The following FMN2 variants were observed in gnomAD, a reference collection of about 807,000 sequenced individuals.
FMN2 encodes the protein formin-2.
Under a neutral mutation model 142.3 loss-of-function variants are expected in FMN2, and 51 were observed. The ratio of observed to expected loss-of-function variants is 0.36; its 90% CI spans 0.29 to 0.45. FMN2 has a LOEUF of 0.45. Among genes scored for constraint, FMN2 ranks in the 20% least tolerant of loss-of-function variants. The pLI is 1.00. For synonymous variants in FMN2, 882 were observed against 869.8 expected, an observed-to-expected ratio of 1.01 and a Z score of -0.25; for missense variants, 1,936 against 2,122.8, an observed-to-expected ratio of 0.91 and a Z score of 1.73.
At chr1:240,348,638 G>T (rs1297722828) in intron 13 of FMN2, among the ~76,000 whole-genome samples, 1 of 151,650 alleles carries the variant, frequency 6.6e-6, no homozygotes, top group African/African-American at 2.4e-5. Context: ...ATTCTGAAAA[G>T]AGTCCCCAGT....
At chr1:240,166,185 A>G (rs974113287) in intron 2 of FMN2, among the ~76,000 whole-genome samples, 9 of 150,090 alleles carry the variant, frequency 6.0e-5, no homozygotes, top group African/African-American at 1.9e-4. Context: ...ACGTTACCTC[A>G]TTATATAATT....
At chr1:240,312,076 C>T (rs1017738980) in intron 8 of FMN2, among the ~76,000 whole-genome samples, 2 of 152,200 alleles carry the variant, frequency 1.3e-5, no homozygotes, top group Admixed American at 6.5e-5. Flanking sequence ...TTCATGTTCA[C>T]ATTGTGGAAT....
chr1:240,380,324 G>A (rs770595213), intron 14 of FMN2, among the ~76,000 whole-genome samples: 5 of 152,026 alleles, frequency 3.3e-5, no homozygotes, highest in Middle Eastern at 3.2e-3. Context: ...TCAATACCAA[G>A]AGGAACTCTC....
At chr1:240,177,358 A>ATTT in intron 2 of FMN2, among the ~76,000 whole-genome samples, 1 of 138,752 alleles carries the variant, frequency 7.2e-6, no homozygotes, top group South Asian at 2.3e-4. Context: ...TCCCTATTCA[A>ATTT]TTCTTTTTTT....
At chr1:240,226,578 T>C (rs1166449712) in intron 6 of FMN2, among the ~76,000 whole-genome samples, 1 of 152,176 alleles carries the variant, frequency 6.6e-6, no homozygotes, top group Non-Finnish European at 1.5e-5. Flanking sequence ...TGAGATCACA[T>C]ATACAAAAAC....
chr1:240,367,599 T>C (rs1672717896), intron 14 of FMN2, among the ~76,000 whole-genome samples: 2 of 151,566 alleles, frequency 1.3e-5, no homozygotes, highest in Non-Finnish European at 2.9e-5. Context: ...AAACCCCATC[T>C]CTACTAAAAA....
chr1:240,312,731 A>T (rs76596607), intron 8 of FMN2, among the ~76,000 whole-genome samples: 9,783 of 152,282 alleles, frequency 0.064, 405 homozygotes, highest in South Asian at 0.11. Context: ...TTTGATTATC[A>T]GTGTTTACTT....
At chr1:240,430,142 T>G (rs1675113827) in intron 15 of FMN2, among the ~76,000 whole-genome samples, 1 of 152,090 alleles carries the variant, frequency 6.6e-6, no homozygotes, top group South Asian at 2.1e-4. Flanking sequence ...CGCCTCGGCC[T>G]CCCAAAGTGC....
intron 7 of FMN2, among the ~76,000 whole-genome samples, chr1:240,286,672 A>G (rs1391869875): frequency 1.3e-5 from 2 of 152,092 alleles, no homozygotes; most frequent in Non-Finnish European, 2.9e-5. Flanking sequence ...TCAGGAGAGA[A>G]CAAAATCAAA....
intron 6 of FMN2, among the ~76,000 whole-genome samples, chr1:240,232,483 C>A (rs1667561384): frequency 6.6e-6 from 1 of 152,106 alleles, no homozygotes; most frequent in Non-Finnish European, 1.5e-5. Context: ...CAAATCCAGA[C>A]CATGTCAGCT....
Position 240,092,186 on chromosome 1 carries a change from C to G in FMN2, c.77C>G (p.Ala26Gly), listed in dbSNP as rs1196213691. 1.3e-6 allele frequency: 2 copies of G among 1,578,540 alleles called. No homozygotes were observed. The highest frequency in any genetic ancestry group is 2.3e-5 in the South Asian group (2 of 86,252). ...GAAGGCGGCGGTGGCGCCGAGGATG[C>G]GCTGGGGCCCAGGGATGTGGAAGCC... Reference protein sequence around the residue: ...LHEGGGGAEDALGPRDVEATK... With the variant: ...LHEGGGGAEDGLGPRDVEATK... The change falls in exon 1 of 18, where the codon GCG becomes GGG. Residue 26 changes from alanine to glycine, a missense_variant. By Grantham distance (60) the Ala-to-Gly change is moderately conservative. Around this residue, in one of 8 missense-constraint regions of FMN2, gnomAD observed 751 missense variants for 791.8 expected, o/e 0.95. Coordinates refer to ENST00000319653, the MANE Select transcript of FMN2 (RefSeq NM_020066.5).
chr1:240,294,588 G>T (rs922732201), intron 7 of FMN2, among the ~76,000 whole-genome samples: 5 of 152,156 alleles, frequency 3.3e-5, no homozygotes, highest in Admixed American at 6.5e-5. Context: ...TCTGACCTTT[G>T]CCTGGGCCAT....
At chr1:240,341,536 A>G (rs1348776260) in intron 13 of FMN2, 1 of 152,184 alleles carries the variant, frequency 6.6e-6, no homozygotes, top group Non-Finnish European at 1.5e-5. Context: ...TTTTGTAAAT[A>G]AAATTCAGTT....
At chr1:240,265,512 G>T (rs1668767254) in intron 7 of FMN2, among the ~76,000 whole-genome samples, 1 of 152,112 alleles carries the variant, frequency 6.6e-6, no homozygotes. Flanking sequence ...ATACACAAAT[G>T]CTTATTATTG....
chr1:240,333,186 C>G (rs569852851), intron 11 of FMN2, among the ~76,000 whole-genome samples: 6 of 151,950 alleles, frequency 3.9e-5, no homozygotes, highest in Non-Finnish European at 8.8e-5. Context: ...AAAATTAATG[C>G]GCCTAAATAA....
intron 7 of FMN2, among the ~76,000 whole-genome samples, chr1:240,263,098 A>G (rs1668685591): frequency 6.6e-6 from 1 of 152,124 alleles, no homozygotes; most frequent in African/African-American, 2.4e-5. Flanking sequence ...TTGTCACCCT[A>G]CTACCAGATC....
At chr1:240,447,001 G>A (rs1675840565) in intron 16 of FMN2, among the ~76,000 whole-genome samples, 1 of 152,134 alleles carries the variant, frequency 6.6e-6, no homozygotes, top group Non-Finnish European at 1.5e-5. Context: ...TAGGGCAAAT[G>A]GATAATCAAA....
intron 7 of FMN2, chr1:240,285,163 G>T (rs1669541323): frequency 2.2e-6 from 1 of 452,068 alleles, no homozygotes; most frequent in African/African-American, 2.0e-5. Context: ...CAATAATCGG[G>T]AATGTCTGAG....
intron 13 of FMN2, among the ~76,000 whole-genome samples, chr1:240,348,723 C>CCTAAATAT (rs1671999117): frequency 6.6e-6 from 1 of 152,082 alleles, no homozygotes; most frequent in Non-Finnish European, 1.5e-5. Context: ...AATTTTACCC[C>CCTAAATAT]CTAAATATTT....
Sources: allele counts gnomAD v4.1 joint callset (sites outside exome capture counted in the v4.1 genomes callset), GRCh38; gene constraint gnomAD v4.1.1; regional missense constraint gnomAD v4.1.1; transcripts MANE v1.5; gene names NCBI Gene and HGNC (gene_info 2026-07-23, HGNC 2026-07-21).